PKD1L3: variants seen among roughly 807,000 people sequenced by gnomAD.
PKD1L3 encodes the protein polycystin-1-like protein 3.
A neutral mutation model predicts 184.1 loss-of-function variants in PKD1L3; 239 were observed. That is an observed-to-expected ratio of 1.30 (90% CI 1.17 to 1.45). The LOEUF (loss-of-function observed/expected upper bound fraction) is 1.45, where lower values mean the gene tolerates loss of function less well. PKD1L3 is among the 40% of genes most tolerant of loss of function. PKD1L3 has a pLI of 0.00. For synonymous variants in PKD1L3, 996 were observed against 778.8 expected (o/e 1.28, Z -4.64); for missense variants, 2,660 against 2,067.2 (o/e 1.29, Z -5.56).
intron 16 of PKD1L3, among the ~76,000 whole-genome samples, chr16:71,957,642 C>G (rs1567513190): frequency 6.6e-6 from 1 of 151,898 alleles, no homozygotes; most frequent in African/African-American, 2.4e-5. Context: ...TAAAAAAATA[C>G]AAAAATTAGC....
chr16:71,988,088 C>T (rs1395877908), intron 4 of PKD1L3, among the ~76,000 whole-genome samples: 1 of 145,110 alleles, frequency 6.9e-6, no homozygotes, highest in Admixed American at 6.9e-5. Context: ...CTTGTTTTCA[C>T]GGATCCTTCT....
intron 13 of PKD1L3, 30 bp downstream of exon 13, chr16:71,969,845 G>T: frequency 6.6e-7 from 1 of 1,517,718 alleles, no homozygotes; most frequent in Non-Finnish European, 8.9e-7. Context: ...AAACATCATG[G>T]CAAATCTGTT....
chr16:71,996,549 T>C (rs999766168), intron 2 of PKD1L3, among the ~76,000 whole-genome samples: 13 of 152,288 alleles, frequency 8.5e-5, no homozygotes, highest in South Asian at 2.1e-4. Context: ...CATGAGCCAC[T>C]GTGCCTGGCC....
At chr16:71,961,117 A>G (rs1374378240) in intron 16 of PKD1L3, among the ~76,000 whole-genome samples, 9 of 150,702 alleles carry the variant, frequency 6.0e-5, no homozygotes, top group Non-Finnish European at 8.9e-5. Flanking sequence ...TAGTTTCAAG[A>G]CTTATTTGTT....
At chr16:71,959,543 C>A (rs2039190270) in intron 16 of PKD1L3, among the ~76,000 whole-genome samples, 1 of 152,064 alleles carries the variant, frequency 6.6e-6, no homozygotes, top group Admixed American at 6.6e-5. Flanking sequence ...CATCTAAAAA[C>A]AAAATGGTAA....
intron 12 of PKD1L3, among the ~76,000 whole-genome samples, chr16:71,970,949 C>G (rs553440444): frequency 1.3e-5 from 2 of 152,156 alleles, no homozygotes; most frequent in Non-Finnish European, 2.9e-5. Context: ...GCCTAAGAAG[C>G]ATGCAAAACA....
At chr16:71,978,642 C>G (rs987568738) in intron 9 of PKD1L3, among the ~76,000 whole-genome samples, 3 of 150,850 alleles carry the variant, frequency 2.0e-5, no homozygotes, top group Admixed American at 2.0e-4. Context: ...CAGGTTCAAG[C>G]GATTCTCCTG....
chr16:71,940,142 G>C (rs1447308176), intron 24 of PKD1L3, among the ~76,000 whole-genome samples: 1 of 151,946 alleles, frequency 6.6e-6, no homozygotes, highest in Admixed American at 6.6e-5. Flanking sequence ...ACAACAACTA[G>C]ATTCCAAATT....
At chr16:71,967,047 A>C (rs2039525233) in intron 15 of PKD1L3, 90 bp downstream of exon 15, 4 of 1,374,702 alleles carry the variant, frequency 2.9e-6, no homozygotes, top group Non-Finnish European at 3.9e-6. Flanking sequence ...TTTGGCTCAA[A>C]GCTTTACTGT....
intron 24 of PKD1L3, among the ~76,000 whole-genome samples, chr16:71,937,818 G>T (rs939592745): frequency 1.3e-5 from 2 of 152,150 alleles, no homozygotes; most frequent in Non-Finnish European, 2.9e-5. Context: ...GGACTAAAAG[G>T]CTTCAGCCTC....
rs1248117054 is a variant in PKD1L3 at position 71,952,939 on chromosome 16, G to C, written c.2964C>G (p.Leu988=). 6.4e-7 allele frequency: 1 copy of C among 1,550,928 alleles called. No individual in the cohort carries two copies. The highest frequency in any genetic ancestry group is 8.7e-7 in the Non-Finnish European group (1 of 1,146,884). Residue 988 remains leucine, a synonymous_variant, in exon 18 of 30, where the codon CTC becomes CTG. Coordinates refer to ENST00000620267, the MANE Select transcript of PKD1L3 (RefSeq NM_181536.2). ...PLFPPIQASC[L]SDASVEPLSA... ...AGAGAGGCTCAACAGAAGCATCTGA[G>C]AGGCAGGAGGCCTGGATGGGAGGAA...
At chr16:71,961,050 T>G (rs538741897) in intron 16 of PKD1L3, among the ~76,000 whole-genome samples, 83 of 152,272 alleles carry the variant, frequency 5.5e-4, no homozygotes, top group African/African-American at 1.9e-3. Flanking sequence ...TGGTTTGTTT[T>G]TTAGAGACAG....
intron 18 of PKD1L3, among the ~76,000 whole-genome samples, chr16:71,952,195 ATTTTTTTTTTT>A (rs34849069): frequency 9.6e-4 from 49 of 50,828 alleles, no homozygotes; most frequent in African/African-American, 3.6e-3. Context: ...GGAGCATGTC[ATTTTTTTTTTT>A]TTTTTTTTTT....
rs1426099924 is a variant in PKD1L3, at chr16:71,992,151, A to C, written c.535+1065T>G. Among the ~76,000 whole-genome samples, 5 of 152,182 alleles carry C rather than the reference A, an allele frequency of 3.3e-5. No individual in the cohort carries two copies. The East Asian group carries it at 9.6e-4, about 29-fold the overall frequency. ...CACACCTAGGATTACAGGTGTGAGCAAATGTCTGCTGAGGGGAGATCCAGC... is the reference window on the plus strand; with the variant it reads ...CACACCTAGGATTACAGGTGTGAGCCAATGTCTGCTGAGGGGAGATCCAGC... On this transcript the variant is annotated intron_variant, in intron 3 of 29. Coordinates refer to ENST00000620267, the MANE Select transcript of PKD1L3 (RefSeq NM_181536.2).
intron 12 of PKD1L3, 44 bp from the exon 13 acceptor site, chr16:71,970,149 TAAG>T: frequency 1.4e-6 from 2 of 1,456,712 alleles, no homozygotes; most frequent in African/African-American, 1.4e-5. Context: ...GACAGAGTGC[TAAG>T]GAGGGGACAG....
At position 71,933,948 on chromosome 16, in the gene PKD1L3, G is replaced by A; in HGVS notation, c.4791C>T (p.Ile1597=). 1 of 1,551,474 alleles carries A rather than the reference G, an allele frequency of 6.4e-7. No homozygotes were observed. The highest frequency in any genetic ancestry group is 8.7e-7 in the Non-Finnish European group (1 of 1,146,956). ...AWDEVVGFLL[I]ILILLTGYAI... The stretch of plus-strand genomic sequence containing the variant: ...CATAGCCTGTCAGCAGGATTAGGAT[G>A]ATCAGCAGAAAGCCCACCACCTCGT... Residue 1597 remains isoleucine, a synonymous_variant, in exon 27 of 30, where the codon ATC becomes ATT. Transcript: ENST00000620267.
At chr16:71,980,220 G>A (rs1195009214) in intron 7 of PKD1L3, 86 bp from the exon 8 acceptor site, 2 of 1,454,750 alleles carry the variant, frequency 1.4e-6, no homozygotes, top group African/African-American at 2.8e-5. Flanking sequence ...GATTGGAAGG[G>A]GAATTTTCAC....
intron 28 of PKD1L3, 37 bp downstream of exon 28, chr16:71,933,383 T>A: frequency 6.9e-7 from 1 of 1,443,336 alleles, no homozygotes; most frequent in East Asian, 2.5e-5. Context: ...TTGTTCAATA[T>A]ATTGAATTCT....
chr16:71,992,497 TATC>T (rs1286368937), intron 3 of PKD1L3, among the ~76,000 whole-genome samples: 40 of 152,222 alleles, frequency 2.6e-4, no homozygotes, highest in Non-Finnish European at 4.7e-4. Context: ...TTGCATTAAT[TATC>T]ATCAGAACAA....
Sources: allele counts gnomAD v4.1 joint callset (sites outside exome capture counted in the v4.1 genomes callset), GRCh38; gene constraint gnomAD v4.1.1; transcripts MANE v1.5; gene names NCBI Gene and HGNC (gene_info 2026-07-23, HGNC 2026-07-21).